The following CHCHD6 variants were observed in gnomAD, a reference collection of about 807,000 sequenced individuals.
CHCHD6 encodes MICOS complex subunit MIC25.
A neutral mutation model predicts 32.3 loss-of-function variants in CHCHD6; 28 were observed. The observed-to-expected ratio is 0.87, with a 90% CI of 0.64 to 1.19. The LOEUF (loss-of-function observed/expected upper bound fraction) is 1.19, where lower values mean the gene tolerates loss of function less well. Ranked by LOEUF, CHCHD6 falls within the 50% of genes most tolerant of loss-of-function variation. The probability of loss-of-function intolerance (pLI) is 0.00; values close to 1 mark genes in which losing one functional copy is unlikely to be tolerated. For synonymous variants in CHCHD6, 122 were observed against 117.5 expected (o/e 1.04, Z -0.25); for missense variants, 333 against 307.0 (o/e 1.08, Z -0.63).
At chr3:126,729,825 G>A (rs997837024) in intron 2 of CHCHD6, among the ~76,000 whole-genome samples, 1 of 152,188 alleles carries the variant, frequency 6.6e-6, no homozygotes, top group Non-Finnish European at 1.5e-5. Context: ...GAACCCTGTG[G>A]TGGAGGGAGG....
intron 5 of CHCHD6, among the ~76,000 whole-genome samples, chr3:126,870,709 A>G (rs1004965962): frequency 2.0e-5 from 3 of 152,170 alleles, no homozygotes; most frequent in Admixed American, 6.5e-5. Context: ...CAGGGACTTC[A>G]CTATGCCTAT....
At chr3:126,857,551 C>T (rs866099885) in intron 5 of CHCHD6, among the ~76,000 whole-genome samples, 15 of 152,254 alleles carry the variant, frequency 9.9e-5, no homozygotes, top group Admixed American at 2.6e-4. Flanking sequence ...TCACTGACAC[C>T]GCTCAACAGA....
intron 5 of CHCHD6, among the ~76,000 whole-genome samples, chr3:126,880,682 G>A (rs998099908): frequency 1.3e-5 from 2 of 152,182 alleles, no homozygotes; most frequent in Non-Finnish European, 2.9e-5. Flanking sequence ...AGTTATTTAA[G>A]GATGAGTAAA....
intron 4 of CHCHD6, among the ~76,000 whole-genome samples, chr3:126,759,229 G>A (rs1937076900): frequency 6.6e-6 from 1 of 152,140 alleles, no homozygotes; most frequent in Non-Finnish European, 1.5e-5. Context: ...TGTTCTTCAG[G>A]CCTCACTCTA....
At chr3:126,722,471 T>C (rs748314787) in intron 1 of CHCHD6, among the ~76,000 whole-genome samples, 1 of 152,184 alleles carries the variant, frequency 6.6e-6, no homozygotes, top group Non-Finnish European at 1.5e-5. Context: ...CCCTTACACG[T>C]TGACCTTTTA....
rs1254601874 is a variant in CHCHD6 at position 126,764,178 on chromosome 3, CACAT to C, written c.411+30973_411+30976del. 7.3e-3 allele frequency among the ~76,000 whole-genome samples: 1,022 copies of C among 140,718 alleles called. 9 individuals are homozygous for C. Among genetic ancestry groups the C allele is most frequent in the African/African-American group, 0.025 (960 of 37,872 alleles). 92.3% of individuals were successfully genotyped at this position (140,718 alleles called of 152,430 possible). A position where few individuals can be genotyped will look rare whatever the true frequency, so the allele number is the denominator to read the frequency against. ...ATATATATATACACACACATATATA[CACAT>C]ACATACATACATACATGCATATATA... On this transcript the variant is annotated intron_variant, in intron 4 of 7. Coordinates refer to ENST00000290913, the MANE Select transcript of CHCHD6 (RefSeq NM_032343.3).
intron 6 of CHCHD6, among the ~76,000 whole-genome samples, chr3:126,925,917 C>T (rs988597637): frequency 2.0e-5 from 3 of 152,166 alleles, no homozygotes; most frequent in African/African-American, 7.2e-5. Flanking sequence ...TGATTCAGTC[C>T]AGTCAGCCTT....
At chr3:126,926,760 A>AT (rs1469985182) in intron 6 of CHCHD6, among the ~76,000 whole-genome samples, 1 of 152,110 alleles carries the variant, frequency 6.6e-6, no homozygotes, top group Non-Finnish European at 1.5e-5. Flanking sequence ...TAAGCAGGGA[A>AT]TTGATATGAT....
intron 5 of CHCHD6, among the ~76,000 whole-genome samples, chr3:126,875,595 G>A (rs564540246): frequency 6.6e-6 from 1 of 152,334 alleles, no homozygotes; most frequent in African/African-American, 2.4e-5. Context: ...AGACTCCCGA[G>A]GCTTCTGGTG....
At chr3:126,748,967 A>G (rs994770208) in intron 4 of CHCHD6, among the ~76,000 whole-genome samples, 5 of 152,082 alleles carry the variant, frequency 3.3e-5, no homozygotes, top group African/African-American at 1.2e-4. Context: ...GTGATGCCCT[A>G]ATTTAGATTG....
At chr3:126,838,207 T>G (rs906822969) in intron 4 of CHCHD6, among the ~76,000 whole-genome samples, 5 of 152,210 alleles carry the variant, frequency 3.3e-5, no homozygotes, top group Non-Finnish European at 7.3e-5. Context: ...AATAGAATGT[T>G]TTTTCAAAGT....
intron 1 of CHCHD6, among the ~76,000 whole-genome samples, chr3:126,708,170 G>T (rs1287621540): frequency 1.3e-5 from 2 of 152,228 alleles, no homozygotes; most frequent in Non-Finnish European, 2.9e-5. Context: ...TATTCACTCT[G>T]TGCTAAGCAC....
chr3:126,732,470 T>C (rs1195865180), intron 3 of CHCHD6, among the ~76,000 whole-genome samples: 2 of 152,246 alleles, frequency 1.3e-5, no homozygotes, highest in Non-Finnish European at 2.9e-5. Context: ...AATGAAAGAC[T>C]ATTTTCTAGT....
chr3:126,854,751 T>C (rs2107553498), intron 5 of CHCHD6: 1 of 152,654 alleles, frequency 6.6e-6, no homozygotes, highest in East Asian at 1.9e-4. Flanking sequence ...CGGGGAAAGT[T>C]GGATAAGCTG....
intron 6 of CHCHD6, among the ~76,000 whole-genome samples, chr3:126,929,779 C>T (rs987027036): frequency 2.0e-5 from 3 of 152,056 alleles, no homozygotes; most frequent in South Asian, 2.1e-4. Flanking sequence ...TTGGCCAGGC[C>T]GGTCTCGAAC....
chr3:126,733,722 G>A (rs1179702750), intron 4 of CHCHD6, among the ~76,000 whole-genome samples: 1 of 152,214 alleles, frequency 6.6e-6, no homozygotes, highest in Admixed American at 6.5e-5. Context: ...GGGAATCAGA[G>A]GAGATAGTAT....
chr3:126,928,396 A>G (rs889273430), intron 6 of CHCHD6, among the ~76,000 whole-genome samples: 1 of 152,176 alleles, frequency 6.6e-6, no homozygotes, highest in Admixed American at 6.5e-5. Flanking sequence ...TCCACCCACC[A>G]CCATCACAGA....
At chr3:126,866,409 G>A (rs752303092) in intron 5 of CHCHD6, among the ~76,000 whole-genome samples, 4 of 152,172 alleles carry the variant, frequency 2.6e-5, no homozygotes, top group Non-Finnish European at 5.9e-5. Context: ...CGTTCTGAGT[G>A]TGTCACATGT....
intron 4 of CHCHD6, chr3:126,766,833 C>T (rs1559831425): frequency 3.1e-6 from 3 of 970,858 alleles, no homozygotes; most frequent in Non-Finnish European, 5.0e-6. Flanking sequence ...CAGTATAGAT[C>T]TGGGACACCC....
Sources: gnomAD v4.1 joint callset for allele counts (sites outside exome capture counted in the v4.1 genomes callset) on GRCh38, gnomAD v4.1.1 for gene constraint, MANE v1.5 for transcripts, NCBI Gene and HGNC (gene_info 2026-07-23, HGNC 2026-07-21) for gene names.